WBP4: variants seen among roughly 807,000 people sequenced by gnomAD.
The protein encoded by WBP4 is WW domain binding protein 4, also known as WW domain-binding protein 4.
Under a neutral mutation model 55.4 loss-of-function variants are expected in WBP4, and 37 were observed. That is an observed-to-expected ratio of 0.67 (90% confidence interval 0.51 to 0.88). The LOEUF is 0.88. Among genes scored for constraint, WBP4 ranks in the 40% least tolerant of loss-of-function variants. WBP4 has a pLI of 0.00. For synonymous variants in WBP4, 142 were observed against 140.2 expected, an observed-to-expected ratio of 1.01 and a Z score of -0.09; for missense variants, 398 against 420.8, an observed-to-expected ratio of 0.95 and a Z score of 0.47.
Position 41,072,778 on chromosome 13 carries a change from T to C in WBP4, c.487-4T>C. On this transcript the variant is annotated splice_region_variant and splice_polypyrimidine_tract_variant and intron_variant, in intron 6 of 9. Transcript: ENST00000379487. The stretch of plus-strand genomic sequence containing the variant: ...TTTATGCTGGGTTTTTTTCCTCCTA[T>C]TAGACAGCAGTGAAGACCGTTTGGG... The C allele has an allele frequency of 6.2e-7, 1 of 1,612,834 alleles. No individual in the cohort carries two copies. The highest frequency in any genetic ancestry group is 8.5e-7 in the Non-Finnish European group (1 of 1,179,486).
At chr13:41,067,062 C>A (rs968337406) in intron 4 of WBP4, among the ~76,000 whole-genome samples, 1 of 152,142 alleles carries the variant, frequency 6.6e-6, no homozygotes, top group Non-Finnish European at 1.5e-5. Flanking sequence ...AATCATGGCT[C>A]ACTGTAGCCT....
chr13:41,074,176 C>T (rs1249284467), intron 7 of WBP4, among the ~76,000 whole-genome samples: 1 of 152,080 alleles, frequency 6.6e-6, no homozygotes, highest in East Asian at 1.9e-4. Flanking sequence ...CGTGATCCGC[C>T]CGCCTCGGCC....
At chr13:41,077,711 T>A (rs1256320558) in intron 8 of WBP4, among the ~76,000 whole-genome samples, 1 of 152,148 alleles carries the variant, frequency 6.6e-6, no homozygotes, top group Non-Finnish European at 1.5e-5. Context: ...GTTTGCTGAT[T>A]AAATGATCTT....
intron 7 of WBP4, among the ~76,000 whole-genome samples, chr13:41,073,329 A>T (rs987482860): frequency 1.3e-5 from 2 of 152,126 alleles, no homozygotes; most frequent in African/African-American, 4.8e-5. Context: ...AACCTGACCA[A>T]CATGGTGAAA....
Position 41,080,676 on chromosome 13 carries a change from G to T in WBP4, c.787G>T (p.Asp263Tyr), listed in dbSNP as rs755975576. 1 of 1,593,756 alleles carries T rather than the reference G, an allele frequency of 6.3e-7. No individual in the cohort carries two copies. The highest frequency in any genetic ancestry group is 1.2e-5 in the South Asian group (1 of 86,032). The change falls in exon 9 of 10, where the codon GAC becomes TAC. Residue 263 changes from aspartate (D) to tyrosine (Y), a missense_variant. By Grantham distance (160) the Asp-to-Tyr change is radical (BLOSUM62 -3). Coordinates refer to ENST00000379487, the MANE Select transcript of WBP4 (RefSeq NM_007187.5). ...EKNKNSDGGS[D>Y]PETQKEKSIQ... is the part of the protein sequence containing the mutation. The stretch of plus-strand genomic sequence containing the variant: ...AAATAAAAATAGTGATGGAGGAAGT[G>T]ACCCAGAAACACAGAAAGAAAAAAG...
rs1877751048 is a variant in WBP4 at position 41,062,719 on chromosome 13, A to G, written c.75+3A>G. 6.2e-7 allele frequency: 1 copy of G among 1,603,510 alleles called. No homozygotes were observed. The highest frequency in any genetic ancestry group is 1.1e-5 in the South Asian group (1 of 89,060). ...GCTGGATAGCAGACAATAGGCCTGT[A>G]TGATAATTCCGCTGTTAGAGATTCT... On this transcript the variant is annotated splice_donor_region_variant and intron_variant, in intron 2 of 9. Coordinates refer to ENST00000379487, the MANE Select transcript of WBP4 (RefSeq NM_007187.5).
At chr13:41,064,724 A>C (rs1172899990) in intron 2 of WBP4, among the ~76,000 whole-genome samples, 1 of 152,092 alleles carries the variant, frequency 6.6e-6, no homozygotes, top group Admixed American at 6.5e-5. Flanking sequence ...CATTACAATC[A>C]TAGTCACTAG....
chr13:41,068,038 A>C (rs939047148), intron 4 of WBP4, among the ~76,000 whole-genome samples: 17 of 151,900 alleles, frequency 1.1e-4, no homozygotes, highest in African/African-American at 3.9e-4. Context: ...TGCTTTCTTT[A>C]TTTCCTTTTT....
Position 41,065,302 on chromosome 13 carries a change from A to AC in WBP4, c.262+15_262+16insC. ...CTTAGAGTCAGGTAAAAAAAAAAAA[A>AC]AAAAAAAAGCAGCCAGCATGTTTTA... On this transcript the variant is annotated intron_variant, in intron 4 of 9. Coordinates refer to ENST00000379487, the MANE Select transcript of WBP4 (RefSeq NM_007187.5). 1 of 1,564,510 alleles carries AC rather than the reference A, an allele frequency of 6.4e-7. No individual in the cohort carries two copies. The highest frequency in any genetic ancestry group is 1.2e-5 in the South Asian group (1 of 82,438).
rs757880164 is a variant in WBP4, at chr13:41,076,171, T to C, written c.690T>C (p.Asp230=). ...CATCAGATTCGCATAGTGATTCTGA[T>C]GGGGAACAGGAAGCAGAAGAAGGAG... ...SKSSDSHSDS[D]GEQEAEEGGV... Residue 230 remains aspartate (D), a synonymous_variant, in exon 8 of 10, where the codon GAT becomes GAC. Transcript: ENST00000379487. 1.2e-6 allele frequency: 2 copies of C among 1,612,456 alleles called. No homozygotes were observed. The highest frequency in any genetic ancestry group is 3.4e-5 in the Admixed American group (2 of 59,690).
chr13:41,061,796 A>C (rs1877657411), intron 1 of WBP4, 121 bp downstream of exon 1: 2 of 1,513,284 alleles, frequency 1.3e-6, no homozygotes, highest in Admixed American at 1.9e-5. Flanking sequence ...ACGCGTTCTT[A>C]ACTCGCTCGG....
rs747972829 is a variant in WBP4 at position 41,080,812 on chromosome 13, A to G, written c.920+3A>G. 2 of 1,604,534 alleles carry G rather than the reference A, an allele frequency of 1.2e-6. No individual in the cohort carries two copies. Among genetic ancestry groups the G allele is most frequent in the Non-Finnish European group, 1.7e-6 (2 of 1,177,922 alleles). ...ATTAAACAAGAGGTTGAGTCTCAGTAAGTACCTGGAGCTTTAATCCCACTG... is the reference window on the plus strand; with the variant it reads ...ATTAAACAAGAGGTTGAGTCTCAGTGAGTACCTGGAGCTTTAATCCCACTG... On this transcript the variant is annotated splice_donor_region_variant and intron_variant, in intron 9 of 9. Coordinates refer to ENST00000379487, the MANE Select transcript of WBP4 (RefSeq NM_007187.5).
intron 6 of WBP4, among the ~76,000 whole-genome samples, 172 bp from the exon 7 acceptor site, chr13:41,072,610 C>G (rs547388828): frequency 1.3e-5 from 2 of 152,278 alleles, no homozygotes; most frequent in Admixed American, 1.3e-4. Flanking sequence ...CCCACAAGGC[C>G]CCATCTCCAA....
chr13:41,073,233 G>T (rs1878325697), intron 7 of WBP4, among the ~76,000 whole-genome samples: 1 of 152,178 alleles, frequency 6.6e-6, no homozygotes, highest in Non-Finnish European at 1.5e-5. Context: ...TAAAACTGTG[G>T]CCGGGCACAG....
At chr13:41,077,051 A>G (rs1878525382) in intron 8 of WBP4, among the ~76,000 whole-genome samples, 1 of 152,198 alleles carries the variant, frequency 6.6e-6, no homozygotes, top group East Asian at 1.9e-4. Context: ...CCTGCTGAAC[A>G]TAGATGCAAA....
chr13:41,075,651 A>G (rs1878447638), intron 7 of WBP4, among the ~76,000 whole-genome samples: 1 of 152,160 alleles, frequency 6.6e-6, no homozygotes, highest in South Asian at 2.1e-4. Flanking sequence ...AAAGTGTTGG[A>G]ATTACAAGCA....
At chr13:41,067,304 A>G (rs1054732264) in intron 4 of WBP4, among the ~76,000 whole-genome samples, 4 of 152,218 alleles carry the variant, frequency 2.6e-5, no homozygotes, top group Non-Finnish European at 4.4e-5. Context: ...TATCAAACTA[A>G]TACTGGATTT....
intron 8 of WBP4, among the ~76,000 whole-genome samples, chr13:41,079,853 A>G (rs1043412929): frequency 1.3e-5 from 2 of 152,238 alleles, no homozygotes; most frequent in Non-Finnish European, 2.9e-5. Context: ...AATGCGGTAT[A>G]TATACACACG....
chr13:41,082,235 C>G (rs1417599069), intron 9 of WBP4, among the ~76,000 whole-genome samples: 5 of 152,134 alleles, frequency 3.3e-5, no homozygotes, highest in Non-Finnish European at 5.9e-5. Context: ...ACCTCAGCCT[C>G]TCGAGTAGCT....
Sources: allele counts gnomAD v4.1 joint callset (sites outside exome capture counted in the v4.1 genomes callset), GRCh38; gene constraint gnomAD v4.1.1; transcripts MANE v1.5; gene names NCBI Gene and HGNC (gene_info 2026-07-23, HGNC 2026-07-21).